Variants in DIP2C observed in about 807,000 individuals in gnomAD.
DIP2C encodes the protein disco-interacting protein 2 homolog C.
Under a neutral mutation model 192.4 loss-of-function variants are expected in DIP2C, and 33 were observed. The ratio of observed to expected loss-of-function variants is 0.17; its 90% CI spans 0.13 to 0.23. The LOEUF (loss-of-function observed/expected upper bound fraction) is 0.23. DIP2C is among the 10% of genes least tolerant of loss of function. The probability of loss-of-function intolerance (pLI) is 1.00; values close to 1 mark genes in which losing one functional copy is unlikely to be tolerated. For missense variants in DIP2C, 1,537 were observed against 2,110.1 expected (o/e 0.73, Z 5.32); for synonymous variants, 979 against 864.1 (o/e 1.13, Z -2.33).
At chr10:416,968 A>G (rs1393329861) in intron 6 of DIP2C, among the ~76,000 whole-genome samples, 1 of 152,240 alleles carries the variant, frequency 6.6e-6, no homozygotes, top group African/African-American at 2.4e-5. Flanking sequence ...GAATTCAAGG[A>G]AATTTTTTCT....
At chr10:514,667 C>T (rs1319712888) in intron 1 of DIP2C, among the ~76,000 whole-genome samples, 3 of 152,206 alleles carry the variant, frequency 2.0e-5, no homozygotes, top group Non-Finnish European at 4.4e-5. Context: ...CCACTGCTGC[C>T]AACACCGTAT....
intron 8 of DIP2C, among the ~76,000 whole-genome samples, chr10:412,596 C>T (rs542567302): frequency 5.3e-5 from 8 of 152,324 alleles, no homozygotes; most frequent in Non-Finnish European, 7.3e-5. Context: ...AACGCACGCT[C>T]CCAAACCCAA....
chr10:526,784 T>TGCCTC (rs1847082012), intron 1 of DIP2C, among the ~76,000 whole-genome samples: 1 of 152,216 alleles, frequency 6.6e-6, no homozygotes, highest in African/African-American at 2.4e-5. Flanking sequence ...CAGCACTGTG[T>TGCCTC]GCCTCTTCTT....
At chr10:452,349 C>T (rs1355467730) in intron 3 of DIP2C, among the ~76,000 whole-genome samples, 1 of 152,134 alleles carries the variant, frequency 6.6e-6, no homozygotes, top group Non-Finnish European at 1.5e-5. Context: ...TCAGTGCAGA[C>T]CCTTAGAGCG....
At chr10:339,191 T>G (rs1958023943) in intron 29 of DIP2C, among the ~76,000 whole-genome samples, 1 of 152,190 alleles carries the variant, frequency 6.6e-6, no homozygotes, top group South Asian at 2.1e-4. Flanking sequence ...ATTATTATTT[T>G]TAACTTATGT....
At chr10:362,232 G>A (rs572648574) in intron 22 of DIP2C, among the ~76,000 whole-genome samples, 1 of 152,312 alleles carries the variant, frequency 6.6e-6, no homozygotes, top group African/African-American at 2.4e-5. Context: ...TTTGCTACGG[G>A]AGAACAGAGC....
intron 10 of DIP2C, among the ~76,000 whole-genome samples, chr10:393,112 G>A (rs1442207463): frequency 6.6e-6 from 1 of 152,152 alleles, no homozygotes; most frequent in Non-Finnish European, 1.5e-5. Context: ...CAGTCTGGCT[G>A]GATCTGAGGC....
intron 1 of DIP2C, among the ~76,000 whole-genome samples, chr10:621,156 C>G (rs1286642067): frequency 6.6e-6 from 1 of 152,168 alleles, no homozygotes; most frequent in Admixed American, 6.5e-5. Flanking sequence ...CACAGGGCCG[C>G]CCGACGCAAC....
chr10:606,208 C>T (rs950620642), intron 1 of DIP2C, among the ~76,000 whole-genome samples: 2 of 152,316 alleles, frequency 1.3e-5, no homozygotes, highest in African/African-American at 4.8e-5. Context: ...CCAGCCACGG[C>T]CCAGCAGCAC....
At chr10:306,181 T>G (rs1019444675) in intron 32 of DIP2C, among the ~76,000 whole-genome samples, 1 of 151,876 alleles carries the variant, frequency 6.6e-6, no homozygotes, top group Non-Finnish European at 1.5e-5. Context: ...CATGTGGGAC[T>G]GTAATCTGTT....
chr10:390,346 G>C lies in DIP2C; in HGVS notation c.1412C>G (p.Thr471Arg), dbSNP rs763649748. ...KGWPKLLWFV[T>R]ESKHLSKPPR... is the part of the protein sequence containing the mutation. Reference sequence around the variant, plus strand: ...CGGTTTGGAGAGATGTTTAGACTCTGTGACAAACCACAGCAGCTTTGGCCA... The same window carrying C: ...CGGTTTGGAGAGATGTTTAGACTCTCTGACAAACCACAGCAGCTTTGGCCA... The change falls in exon 12 of 37, where the codon ACA becomes AGA. Residue 471 changes from threonine (T) to arginine (R), a missense_variant. Thr to Arg is a moderately conservative substitution (Grantham distance 71, BLOSUM62 -1). Coordinates refer to ENST00000280886, the MANE Select transcript of DIP2C (RefSeq NM_014974.3). 6.2e-7 allele frequency: 1 copy of C among 1,614,008 alleles called. No individual in the cohort carries two copies. Among genetic ancestry groups the C allele is most frequent in the South Asian group, 1.1e-5 (1 of 91,058 alleles).
chr10:415,965 AG>A (rs2133110644), intron 6 of DIP2C, 77 bp from the exon 7 acceptor site: 1 of 1,594,620 alleles, frequency 6.3e-7, no homozygotes, highest in East Asian at 2.3e-5. Context: ...ACAGTCCCAC[AG>A]CCCCCTCCCC....
chr10:370,242 C>A (rs1960800718), intron 17 of DIP2C, among the ~76,000 whole-genome samples: 1 of 152,238 alleles, frequency 6.6e-6, no homozygotes, highest in Non-Finnish European at 1.5e-5. Flanking sequence ...CATTGTGGGT[C>A]AGGAGAAGAC....
chr10:668,542 C>T (rs1014745809), intron 1 of DIP2C: 1 of 152,128 alleles, frequency 6.6e-6, no homozygotes, highest in African/African-American at 2.4e-5. Context: ...AATACATGTA[C>T]AACACACTCA....
intron 5 of DIP2C, among the ~76,000 whole-genome samples, chr10:422,583 G>A (rs1966270779): frequency 6.6e-6 from 1 of 152,184 alleles, no homozygotes; most frequent in Non-Finnish European, 1.5e-5. Flanking sequence ...AAAGATGGGA[G>A]CGGATACGGC....
At chr10:505,913 T>G (rs1845568336) in intron 1 of DIP2C, among the ~76,000 whole-genome samples, 1 of 152,216 alleles carries the variant, frequency 6.6e-6, no homozygotes. Flanking sequence ...TCTCCTGCTG[T>G]AAAAACTCCC....
intron 6 of DIP2C, among the ~76,000 whole-genome samples, chr10:417,664 GT>G (rs1965762722): frequency 2.6e-4 from 9 of 34,518 alleles, no homozygotes; most frequent in African/African-American, 6.8e-4. Flanking sequence ...ACCTGTTCCT[GT>G]CAGGGCTCGG....
At chr10:541,120 G>T (rs151166538) in intron 1 of DIP2C, among the ~76,000 whole-genome samples, 171 of 148,190 alleles carry the variant, frequency 1.2e-3, no homozygotes, top group African/African-American at 4.0e-3. Flanking sequence ...ACCCGATGCT[G>T]GGGAGCCACA....
At chr10:633,001 G>A (rs1310599412) in intron 1 of DIP2C, among the ~76,000 whole-genome samples, 2 of 152,184 alleles carry the variant, frequency 1.3e-5, no homozygotes, top group African/African-American at 2.4e-5. Context: ...CAGACGCAAC[G>A]GCACCCTCCT....
Sources: gnomAD v4.1 joint callset for allele counts (sites outside exome capture counted in the v4.1 genomes callset) on GRCh38, gnomAD v4.1.1 for gene constraint, MANE v1.5 for transcripts, NCBI Gene and HGNC (gene_info 2026-07-23, HGNC 2026-07-21) for gene names.